The following TBC1D9 variants were observed in gnomAD, a reference collection of about 807,000 sequenced individuals.
The protein encoded by TBC1D9 is TBC1 domain family member 9A.
In TBC1D9, 63 loss-of-function variants were observed where a neutral mutation model predicts 132.0. The observed-to-expected ratio is 0.48, with a 90% CI of 0.39 to 0.59. TBC1D9 has a LOEUF of 0.59. Ranked by LOEUF, TBC1D9 falls within the 20% of genes least tolerant of loss-of-function variation. TBC1D9 has a pLI of 0.00. For missense variants in TBC1D9, 1,261 were observed against 1,592.7 expected (o/e 0.79, Z 3.54); for synonymous variants, 610 against 609.9 (o/e 1.00, Z 0.00).
intron 1 of TBC1D9, among the ~76,000 whole-genome samples, chr4:140,731,884 G>A (rs1738599166): frequency 6.6e-6 from 1 of 152,204 alleles, no homozygotes; most frequent in South Asian, 2.1e-4. Context: ...AAAAGAAAAT[G>A]TGCCTTAACT....
In TBC1D9 at chr4:140,677,034, A is replaced by G. The variant is rs1443282835; in HGVS notation, c.919T>C (p.Leu307=). Reference sequence around the variant, plus strand: ...AGAGTGCAGTCTGTGTGGCCATCTAATTTTTCATCTTTGGGCAGCCGGAAA... The same window carrying G: ...AGAGTGCAGTCTGTGTGGCCATCTAGTTTTTCATCTTTGGGCAGCCGGAAA... ...ALFRLPKDEK[L]DGHTDCTLWT... Residue 307 remains leucine, a synonymous_variant, in exon 6 of 21, where the codon TTA becomes CTA. Coordinates refer to ENST00000442267, the MANE Select transcript of TBC1D9 (RefSeq NM_015130.3). The G allele has an allele frequency of 1.1e-5, 17 of 1,613,752 alleles. No individual in the cohort carries two copies. The highest frequency in any genetic ancestry group is 1.3e-5 in the Non-Finnish European group (15 of 1,179,866).
rs1560871456 is a variant in TBC1D9, at chr4:140,644,396, C to A, written c.2338-4968G>T. On this transcript the variant is annotated intron_variant, in intron 13 of 20. Coordinates refer to ENST00000442267, the MANE Select transcript of TBC1D9 (RefSeq NM_015130.3). ...CAGGCGCCTTGGACACGTCCTCCAG[C>A]GGCTGGATGACCTTGGCCTTCAGGG... 1.1e-5 allele frequency: 3 copies of A among 281,898 alleles called. No homozygotes were observed. The East Asian group carries it at 3.7e-4, about 35-fold the overall frequency. The allele number at this position is 281,898 out of a possible 1,614,324, so 17.5% of individuals were successfully genotyped here.
At chr4:140,680,202 C>T (rs1378898718) in intron 3 of TBC1D9, among the ~76,000 whole-genome samples, 1 of 152,092 alleles carries the variant, frequency 6.6e-6, no homozygotes, top group African/African-American at 2.4e-5. Flanking sequence ...CTGCCTTTCT[C>T]CAAGATTAAT....
At chr4:140,647,935 C>G (rs991356678) in intron 13 of TBC1D9, among the ~76,000 whole-genome samples, 2 of 152,004 alleles carry the variant, frequency 1.3e-5, no homozygotes, top group South Asian at 4.1e-4. Flanking sequence ...GGGTCTCTCC[C>G]TCCCCCGACT....
intron 1 of TBC1D9, among the ~76,000 whole-genome samples, chr4:140,751,283 C>T (rs1738919394): frequency 6.6e-6 from 1 of 152,182 alleles, no homozygotes. Context: ...GACCCACACA[C>T]ATACGGGTAC....
chr4:140,662,966 A>G lies in TBC1D9; in HGVS notation c.1589-859T>C, dbSNP rs535827351. On this transcript the variant is annotated intron_variant, in intron 9 of 20. Transcript: ENST00000442267. Reference sequence around the variant, plus strand: ...CCATAAAACTAGTAGAAGAAAATATAGAAAGAAAATGCTTCTTGACACTGA... The same window carrying G: ...CCATAAAACTAGTAGAAGAAAATATGGAAAGAAAATGCTTCTTGACACTGA... 3.9e-5 allele frequency among the ~76,000 whole-genome samples: 6 copies of G among 152,362 alleles called. No individual in the cohort carries two copies. The East Asian group carries it at 1.2e-3, about 29-fold the overall frequency.
chr4:140,639,914 C>T (rs1253566727), intron 13 of TBC1D9, among the ~76,000 whole-genome samples: 1 of 152,228 alleles, frequency 6.6e-6, no homozygotes, highest in Non-Finnish European at 1.5e-5. Flanking sequence ...AGCTAGCCAT[C>T]TCTTCAAGCT....
intron 13 of TBC1D9, chr4:140,644,745 C>A: frequency 2.5e-6 from 1 of 402,874 alleles, no homozygotes; most frequent in South Asian, 2.0e-5. Flanking sequence ...GGGCCTGGTG[C>A]AGGGGGCTGC....
rs577620041 is a variant in TBC1D9 at position 140,643,592 on chromosome 4, C to T, written c.2338-4164G>A. Reference sequence around the variant, plus strand: ...GGGGCTCGCTCAGGGCCGCCTGGGCCAGGCCTTCCTCCGGCGCTGCCTCTG... The same window carrying T: ...GGGGCTCGCTCAGGGCCGCCTGGGCTAGGCCTTCCTCCGGCGCTGCCTCTG... On this transcript the variant is annotated intron_variant, in intron 13 of 20. Transcript: ENST00000442267. 233 of 909,020 alleles carry T rather than the reference C, an allele frequency of 2.6e-4. 4 individuals are homozygous for T. The South Asian group carries it at 3.7e-3, about 15-fold the overall frequency. 56.3% of individuals were successfully genotyped at this position (909,020 alleles called of 1,614,324 possible). A position where few individuals can be genotyped will look rare whatever the true frequency, so the allele number is the denominator to read the frequency against.
At chr4:140,674,847 C>T (rs1246918583) in intron 6 of TBC1D9, among the ~76,000 whole-genome samples, 1 of 151,888 alleles carries the variant, frequency 6.6e-6, no homozygotes, top group African/African-American at 2.4e-5. Flanking sequence ...TACAGGAGCA[C>T]ATCACCATCC....
chr4:140,703,260 G>C (rs1738099105), intron 1 of TBC1D9, among the ~76,000 whole-genome samples: 1 of 152,156 alleles, frequency 6.6e-6, no homozygotes, highest in African/African-American at 2.4e-5. Flanking sequence ...AAGTTTTGCT[G>C]AATCTGAGGC....
rs182821017 is a variant in TBC1D9 at position 140,621,898 on chromosome 4, A to G, written c.*297T>C. On this transcript the variant is annotated 3_prime_UTR_variant, in exon 21 of 21. Transcript: ENST00000442267. ...TGTATACAGCTCAACAGCAAGATTAATAAGTTATAATACACACATATCACT... is the reference window on the plus strand; with the variant it reads ...TGTATACAGCTCAACAGCAAGATTAGTAAGTTATAATACACACATATCACT... The G allele has an allele frequency of 1.1e-3, 290 of 261,798 alleles. 1 individual carries two copies. The highest frequency in any genetic ancestry group is 1.5e-3 in the Non-Finnish European group (215 of 140,040). 16.2% of individuals were successfully genotyped at this position (261,798 alleles called of 1,614,324 possible).
At chr4:140,686,093 C>T (rs976536354) in intron 3 of TBC1D9, among the ~76,000 whole-genome samples, 1 of 151,918 alleles carries the variant, frequency 6.6e-6, no homozygotes, top group Non-Finnish European at 1.5e-5. Flanking sequence ...TCACATGTAC[C>T]CCAGAAATAT....
Position 140,622,075 on chromosome 4 carries a change from C to T in TBC1D9, c.*120G>A, listed in dbSNP as rs747880127. 2.7e-5 allele frequency: 37 copies of T among 1,353,446 alleles called. No individual in the cohort carries two copies. Among genetic ancestry groups the T allele is most frequent in the Non-Finnish European group, 3.2e-5 (33 of 1,024,984 alleles). 83.8% of individuals were successfully genotyped at this position (1,353,446 alleles called of 1,614,324 possible). On this transcript the variant is annotated 3_prime_UTR_variant, in exon 21 of 21. Coordinates refer to ENST00000442267, the MANE Select transcript of TBC1D9 (RefSeq NM_015130.3). The stretch of plus-strand genomic sequence containing the variant: ...TGAATTACATTATGAAAACACTAGG[C>T]TTCAAGCCAGGTACTAATAAATATT...
At chr4:140,755,783 G>C in intron 1 of TBC1D9, 133 bp downstream of exon 1, 1 of 1,316,078 alleles carries the variant, frequency 7.6e-7, no homozygotes, top group Non-Finnish European at 9.8e-7. Context: ...TCGATGCCTC[G>C]CATACAACGA....
chr4:140,748,299 C>G (rs1738868194), intron 1 of TBC1D9, among the ~76,000 whole-genome samples: 1 of 151,896 alleles, frequency 6.6e-6, no homozygotes, highest in African/African-American at 2.4e-5. Context: ...TAACTTGGAA[C>G]AGAGATCAGA....
At chr4:140,656,773 G>C (rs555488335) in intron 13 of TBC1D9, among the ~76,000 whole-genome samples, 1 of 152,254 alleles carries the variant, frequency 6.6e-6, no homozygotes, top group South Asian at 2.1e-4. Context: ...GCAACATTTA[G>C]GTCATGAAGA....
intron 13 of TBC1D9, among the ~76,000 whole-genome samples, chr4:140,647,337 T>A (rs139428368): frequency 1.6e-4 from 25 of 152,350 alleles, no homozygotes; most frequent in Non-Finnish European, 2.4e-4. Context: ...GAGGCTCAGA[T>A]AAATAGCTCT....
intron 13 of TBC1D9, among the ~76,000 whole-genome samples, chr4:140,641,673 G>A (rs1034664925): frequency 2.0e-5 from 3 of 152,090 alleles, no homozygotes; most frequent in Admixed American, 6.5e-5. Flanking sequence ...AAGGAAAGTG[G>A]AGAAAAATGC....
Sources: gnomAD v4.1 joint callset for allele counts (sites outside exome capture counted in the v4.1 genomes callset) on GRCh38, gnomAD v4.1.1 for gene constraint, MANE v1.5 for transcripts, NCBI Gene and HGNC (gene_info 2026-07-23, HGNC 2026-07-21) for gene names.